Variants in TMC2 observed in about 807,000 individuals in gnomAD.
TMC2 encodes the protein transmembrane channel like 2.
In TMC2, 102 loss-of-function variants were observed where a neutral mutation model predicts 105.9. The observed-to-expected ratio is 0.96, with a 90% CI of 0.82 to 1.14. The LOEUF (loss-of-function observed/expected upper bound fraction) is 1.14, where lower values mean the gene tolerates loss of function less well. Ranked by LOEUF, TMC2 falls within the 50% of genes most tolerant of loss-of-function variation. The pLI is 0.00. For synonymous variants in TMC2, 402 were observed against 422.8 expected (o/e 0.95, Z 0.60); for missense variants, 1,093 against 1,134.3 (o/e 0.96, Z 0.52).
intron 19 of TMC2, among the ~76,000 whole-genome samples, chr20:2,640,453 A>G (rs371319487): frequency 1.5e-4 from 23 of 152,260 alleles, no homozygotes; most frequent in East Asian, 1.3e-3. Flanking sequence ...TTCATTTCTC[A>G]CTCAACACAA....
At position 2,623,109 on chromosome 20, in the gene TMC2, A is replaced by G. The variant is rs144504891; in HGVS notation, c.2181-1162A>G. Among the ~76,000 whole-genome samples, 188 of 152,240 alleles carry G rather than the reference A, an allele frequency of 1.2e-3. 1 individual carries two copies. The highest frequency in any genetic ancestry group is 7.5e-3 in the South Asian group (36 of 4,816). On this transcript the variant is annotated intron_variant, in intron 16 of 19. Transcript: ENST00000358864. ...AGCAGCTACTAATCATATGACTATT[A>G]AGCACTTGAAATGTGTAACTAAGAA... is the stretch of plus-strand genomic sequence containing the variant.
intron 17 of TMC2, among the ~76,000 whole-genome samples, chr20:2,627,844 C>G (rs1028975494): frequency 1.3e-5 from 2 of 152,096 alleles, no homozygotes; most frequent in Non-Finnish European, 2.9e-5. Context: ...AAAACAACAA[C>G]AAAAATAATC....
intron 7 of TMC2, among the ~76,000 whole-genome samples, chr20:2,589,477 C>T (rs1322772787): frequency 2.0e-5 from 3 of 152,018 alleles, no homozygotes; most frequent in Non-Finnish European, 4.4e-5. Flanking sequence ...TGCATACTGT[C>T]TTTATCTTTT....
In TMC2 at chr20:2,558,671, A is replaced by G. The variant is rs747122914; in HGVS notation, c.298A>G (p.Lys100Glu). 1 of 1,595,464 alleles carries G rather than the reference A, an allele frequency of 6.3e-7. No homozygotes were observed. Among genetic ancestry groups the G allele is most frequent in the Non-Finnish European group, 8.5e-7 (1 of 1,171,022 alleles). The change falls in exon 3 of 20, where the codon AAG (lysine) becomes GAG (glutamate). Residue 100 changes from lysine (K) to glutamate (E), a missense_variant. Lys to Glu is a moderately conservative substitution (Grantham distance 56). Transcript: ENST00000358864. The surrounding 1 kb of genome is among the most constrained non-coding windows in gnomAD (Gnocchi z 4.6). ...EAERTCEGRR[K>E]RDERASFQER... ...AGAGAGGACCTGCGAGGGCAGGAGAAAGCGCGACGAGAGGGCCTCCTTCCA... is the reference window on the plus strand; with the variant it reads ...AGAGAGGACCTGCGAGGGCAGGAGAGAGCGCGACGAGAGGGCCTCCTTCCA...
chr20:2,615,501 T>C (rs2146244897), intron 14 of TMC2, among the ~76,000 whole-genome samples: 1 of 152,364 alleles, frequency 6.6e-6, no homozygotes, highest in East Asian at 1.9e-4. Context: ...TTTAGCATGC[T>C]TCATGAGGAC....
rs78823302 is a variant in TMC2 at position 2,639,619 on chromosome 20, G to A, written c.2504-1515G>A. 9.5e-3 allele frequency among the ~76,000 whole-genome samples: 1,440 copies of A among 152,256 alleles called. 33 individuals are homozygous for A. Among genetic ancestry groups the A allele is most frequent in the African/African-American group, 0.032 (1,317 of 41,556 alleles). On this transcript the variant is annotated intron_variant, in intron 19 of 19. Transcript: ENST00000358864. The stretch of plus-strand genomic sequence containing the variant: ...ATGATGCATTTCTCAGAATGTATCC[G>A]CATCCTTAAGCAACGTGTGCTATAG...
chr20:2,635,294 G>T (rs1382388957), intron 17 of TMC2, among the ~76,000 whole-genome samples: 1 of 152,176 alleles, frequency 6.6e-6, no homozygotes, highest in Non-Finnish European at 1.5e-5. Flanking sequence ...CTGAGCAGGA[G>T]GCTTCAGAGC....
chr20:2,543,024 G>T (rs2085900541), intron 2 of TMC2, among the ~76,000 whole-genome samples: 1 of 151,982 alleles, frequency 6.6e-6, no homozygotes, highest in African/African-American at 2.4e-5. Context: ...ATCACTTGAG[G>T]TCAGGAGTTT....
chr20:2,590,436 A>G (rs1390871831), intron 7 of TMC2, among the ~76,000 whole-genome samples: 3 of 152,096 alleles, frequency 2.0e-5, no homozygotes, highest in Admixed American at 2.0e-4. Flanking sequence ...TGTTATACAT[A>G]TACTATTTTA....
At chr20:2,550,355 AT>A (rs1350966348) in intron 2 of TMC2, among the ~76,000 whole-genome samples, 8 of 152,174 alleles carry the variant, frequency 5.3e-5, no homozygotes, top group Non-Finnish European at 1.0e-4. Flanking sequence ...TCTCAAAAAA[AT>A]AAAAATTAAA....
intron 18 of TMC2, 143 bp downstream of exon 18, chr20:2,636,147 A>T: frequency 1.5e-6 from 1 of 664,582 alleles, no homozygotes; most frequent in Non-Finnish European, 2.7e-6. Flanking sequence ...TATGGGAAGT[A>T]GCCTTGTGAG....
chr20:2,547,039 A>G (rs2085930300), intron 2 of TMC2, among the ~76,000 whole-genome samples: 1 of 152,228 alleles, frequency 6.6e-6, no homozygotes, highest in Non-Finnish European at 1.5e-5. Flanking sequence ...AGTATAACAT[A>G]TAATTATCTA....
At chr20:2,611,101 T>C (rs1223070429) in intron 12 of TMC2, among the ~76,000 whole-genome samples, 1 of 152,142 alleles carries the variant, frequency 6.6e-6, no homozygotes, top group Non-Finnish European at 1.5e-5. Context: ...TGTGCTTCAG[T>C]AGTGGCAAGC....
chr20:2,560,560 G>A (rs1020756675), intron 3 of TMC2, among the ~76,000 whole-genome samples: 7 of 152,188 alleles, frequency 4.6e-5, no homozygotes, highest in South Asian at 2.1e-4. Flanking sequence ...GTCAGAGGCC[G>A]GGCGTGGTGG....
At chr20:2,580,443 A>C (rs556990016) in intron 7 of TMC2, among the ~76,000 whole-genome samples, 206 of 152,346 alleles carry the variant, frequency 1.4e-3, no homozygotes, top group Non-Finnish European at 2.6e-3. Context: ...CCTTAAGATC[A>C]GTGGAGAATT....
intron 2 of TMC2, among the ~76,000 whole-genome samples, chr20:2,538,310 C>T (rs559587833): frequency 2.6e-5 from 4 of 152,264 alleles, no homozygotes; most frequent in African/African-American, 9.6e-5. Flanking sequence ...CTTCCTGGCC[C>T]CTATCCCGGA....
intron 16 of TMC2, among the ~76,000 whole-genome samples, chr20:2,619,871 T>C (rs2086512501): frequency 6.6e-6 from 1 of 152,166 alleles, no homozygotes; most frequent in Non-Finnish European, 1.5e-5. Flanking sequence ...AATTATACTA[T>C]GATAAGAACC....
chr20:2,557,794 G>A (rs1361214411), intron 2 of TMC2, among the ~76,000 whole-genome samples: 2 of 152,160 alleles, frequency 1.3e-5, no homozygotes, highest in Non-Finnish European at 2.9e-5. Flanking sequence ...GCTCCTGGAG[G>A]TAAAACTGAT....
rs376906382 is a variant in TMC2 at position 2,616,127 on chromosome 20, C to T, written c.1873-10C>T. The T allele has an allele frequency of 1.2e-6, 2 of 1,610,556 alleles. No homozygotes were observed. The highest frequency in any genetic ancestry group is 1.7e-6 in the Non-Finnish European group (2 of 1,177,038). Reference sequence around the variant, plus strand: ...TCTCTCTCTCTCTCGCTCCCTCCCTCCCTCTCTAGCCTTCATATGCTGAGT... The same window carrying T: ...TCTCTCTCTCTCTCGCTCCCTCCCTTCCTCTCTAGCCTTCATATGCTGAGT... On this transcript the variant is annotated splice_polypyrimidine_tract_variant and intron_variant, in intron 14 of 19. Transcript: ENST00000358864. The surrounding 1 kb of genome is among the most constrained non-coding windows in gnomAD (Gnocchi z 4.8).
Sources: gnomAD v4.1 joint callset for allele counts (sites outside exome capture counted in the v4.1 genomes callset) on GRCh38, gnomAD v4.1.1 for gene constraint, Gnocchi (gnomAD v3.1) non-coding constraint, MANE v1.5 for transcripts, NCBI Gene and HGNC (gene_info 2026-07-23, HGNC 2026-07-21) for gene names.